TAF3: variants seen among roughly 807,000 people sequenced by gnomAD.
TAF3 encodes transcription initiation factor TFIID subunit 3.
In TAF3, 7 loss-of-function variants were observed where a neutral mutation model predicts 80.6. That is an observed-to-expected ratio of 0.09 (90% CI 0.05 to 0.16). The LOEUF (loss-of-function observed/expected upper bound fraction) is 0.16. Ranked by LOEUF, TAF3 falls within the 10% of genes least tolerant of loss-of-function variation. The pLI is 1.00. For synonymous variants in TAF3, 444 were observed against 446.1 expected (o/e 1.00, Z 0.06); for missense variants, 921 against 1,140.2 (o/e 0.81, Z 2.77).
chr10:8,014,794 C>G lies in TAF3; in HGVS notation c.*43C>G. The G allele has an allele frequency of 6.6e-7, 1 of 1,516,962 alleles. No individual in the cohort carries two copies. The highest frequency in any genetic ancestry group is 8.9e-7 in the Non-Finnish European group (1 of 1,123,610). 94.0% of individuals were successfully genotyped at this position (1,516,962 alleles called of 1,614,324 possible). A position where few individuals can be genotyped will look rare whatever the true frequency, so the allele number is the denominator to read the frequency against. ...GACCAAGCGGGGTCAGCCCGGGCTT[C>G]TTCCCTGGCGCCTCTGGAAGGGAGC... On this transcript the variant is annotated 3_prime_UTR_variant, in exon 7 of 7. Coordinates refer to ENST00000344293, the MANE Select transcript of TAF3 (RefSeq NM_031923.4).
chr10:7,963,515 T>C (rs368946898), intron 2 of TAF3, among the ~76,000 whole-genome samples: 5 of 152,304 alleles, frequency 3.3e-5, no homozygotes, highest in East Asian at 3.9e-4. Context: ...GAAAACTAAC[T>C]TACTTTTTAA....
At chr10:7,834,666 C>G (rs185209933) in intron 2 of TAF3, among the ~76,000 whole-genome samples, 40 of 152,222 alleles carry the variant, frequency 2.6e-4, no homozygotes, top group Admixed American at 2.4e-3. Context: ...TCCATAAATA[C>G]TGTCATCCAT....
intron 2 of TAF3, among the ~76,000 whole-genome samples, chr10:7,842,172 T>G (rs1322838797): frequency 9.3e-5 from 9 of 97,224 alleles, no homozygotes; most frequent in East Asian, 8.9e-4. Flanking sequence ...TTGTTTTTTT[T>G]TTTGTTTTTT....
intron 4 of TAF3, among the ~76,000 whole-genome samples, chr10:7,979,298 C>G (rs763364158): frequency 3.4e-5 from 5 of 146,484 alleles, no homozygotes; most frequent in Non-Finnish European, 6.0e-5. Context: ...GAGCTGAGAT[C>G]GCGCCACTGA....
At chr10:7,915,414 A>G (rs1368421527) in intron 2 of TAF3, among the ~76,000 whole-genome samples, 2 of 139,560 alleles carry the variant, frequency 1.4e-5, no homozygotes, top group Admixed American at 7.1e-5. Context: ...GGAGGCCGAG[A>G]CGGGTGGATC....
chr10:7,865,813 C>A (rs1837208616), intron 2 of TAF3, among the ~76,000 whole-genome samples: 1 of 152,230 alleles, frequency 6.6e-6, no homozygotes. Flanking sequence ...AGGACTCTCC[C>A]GTCACCTCCC....
At chr10:7,946,155 A>G (rs530887001) in intron 2 of TAF3, among the ~76,000 whole-genome samples, 1 of 151,856 alleles carries the variant, frequency 6.6e-6, no homozygotes, top group Admixed American at 6.5e-5. Flanking sequence ...AAACTATTTT[A>G]AAACTACCGG....
intron 2 of TAF3, among the ~76,000 whole-genome samples, chr10:7,890,373 G>T (rs1442165219): frequency 6.6e-6 from 1 of 152,182 alleles, no homozygotes; most frequent in Admixed American, 6.5e-5. Flanking sequence ...TGCCCACTGG[G>T]TAGTGAGCAG....
chr10:7,880,590 C>T (rs572368663), intron 2 of TAF3, among the ~76,000 whole-genome samples: 12 of 152,284 alleles, frequency 7.9e-5, no homozygotes, highest in East Asian at 7.7e-4. Flanking sequence ...ATCCTGCTGA[C>T]GTTGTTTCCT....
chr10:7,826,728 A>G (rs1836745649), intron 2 of TAF3, among the ~76,000 whole-genome samples: 2 of 152,354 alleles, frequency 1.3e-5, no homozygotes, highest in South Asian at 2.1e-4. Flanking sequence ...TAGGCAGTAC[A>G]GTAAGATGCT....
In TAF3 at chr10:7,986,035, C is replaced by T. The variant is rs554092747; in HGVS notation, c.2315+8712C>T. ...CTGACCTCATGTGATCCACCCACCT[C>T]GGCCTCCCAGAGTGCTGGGATTACA... On this transcript the variant is annotated intron_variant, in intron 4 of 6. Transcript: ENST00000344293. 4.0e-3 allele frequency among the ~76,000 whole-genome samples: 613 copies of T among 152,188 alleles called. 5 individuals carry two copies. Among genetic ancestry groups the T allele is most frequent in the African/African-American group, 0.014 (592 of 41,522 alleles).
At chr10:7,982,674 A>G (rs1831736946) in intron 4 of TAF3, among the ~76,000 whole-genome samples, 1 of 152,232 alleles carries the variant, frequency 6.6e-6, no homozygotes, top group Non-Finnish European at 1.5e-5. Context: ...TGCTGGGATT[A>G]CAGGTGTGAG....
At chr10:7,938,118 C>T (rs1564367206) in intron 2 of TAF3, among the ~76,000 whole-genome samples, 2 of 152,132 alleles carry the variant, frequency 1.3e-5, no homozygotes, top group African/African-American at 2.4e-5. Flanking sequence ...AACTTAGAGT[C>T]CTATGATTTA....
chr10:7,829,788 C>T (rs1326270529), intron 2 of TAF3, among the ~76,000 whole-genome samples: 3 of 152,146 alleles, frequency 2.0e-5, no homozygotes, highest in African/African-American at 7.2e-5. Context: ...AGTCACTGTG[C>T]GTAGCCCGCC....
intron 2 of TAF3, among the ~76,000 whole-genome samples, chr10:7,896,751 A>G (rs1457219758): frequency 6.6e-6 from 1 of 152,254 alleles, no homozygotes; most frequent in Non-Finnish European, 1.5e-5. Flanking sequence ...CAAATTTAGC[A>G]GCTTAACACA....
rs1364756608 is a variant in TAF3 at position 8,016,373 on chromosome 10, C to T, written c.*1622C>T. ...GTTTTCTGCCATGAATGTTAAGTTGCAAATCAGTGGAAATGGAGTCGACCT... is the reference window on the plus strand; with the variant it reads ...GTTTTCTGCCATGAATGTTAAGTTGTAAATCAGTGGAAATGGAGTCGACCT... On this transcript the variant is annotated 3_prime_UTR_variant, in exon 7 of 7. Transcript: ENST00000344293. The T allele has an allele frequency of 6.6e-6, 1 of 152,096 alleles. No individual in the cohort carries two copies. The highest frequency in any genetic ancestry group is 2.4e-5 in the African/African-American group (1 of 41,406). 9.4% of individuals were successfully genotyped at this position (152,096 alleles called of 1,614,324 possible). A position where few individuals can be genotyped will look rare whatever the true frequency, so the allele number is the denominator to read the frequency against.
intron 2 of TAF3, among the ~76,000 whole-genome samples, chr10:7,830,673 G>C (rs569211493): frequency 6.6e-6 from 1 of 151,594 alleles, no homozygotes; most frequent in African/African-American, 2.4e-5. Context: ...TAGTAGAGAC[G>C]GGGTTTCACC....
intron 2 of TAF3, among the ~76,000 whole-genome samples, chr10:7,910,279 A>G (rs1837645173): frequency 6.6e-6 from 1 of 152,202 alleles, no homozygotes; most frequent in Non-Finnish European, 1.5e-5. Flanking sequence ...TCTAATAAAG[A>G]TGTATAGTGT....
chr10:7,897,799 A>T (rs1333337384), intron 2 of TAF3, among the ~76,000 whole-genome samples: 1 of 151,936 alleles, frequency 6.6e-6, no homozygotes, highest in Non-Finnish European at 1.5e-5. Flanking sequence ...AGCTGGGACC[A>T]TAGGCGTGTG....
Sources: gnomAD v4.1 joint callset for allele counts (sites outside exome capture counted in the v4.1 genomes callset) on GRCh38, gnomAD v4.1.1 for gene constraint, MANE v1.5 for transcripts, NCBI Gene and HGNC (gene_info 2026-07-23, HGNC 2026-07-21) for gene names.